Variants in FGD4 observed in about 807,000 individuals in gnomAD.
The protein encoded by FGD4 is FYVE, RhoGEF and PH domain-containing protein 4.
Under a neutral mutation model 102.0 loss-of-function variants are expected in FGD4, and 42 were observed. The ratio of observed to expected loss-of-function variants is 0.41; its 90% CI spans 0.32 to 0.53. FGD4 has a LOEUF of 0.53. FGD4 is among the 20% of genes least tolerant of loss of function. FGD4 has a pLI of 0.21. For synonymous variants in FGD4, 380 were observed against 375.7 expected (o/e 1.01, Z -0.13); for missense variants, 902 against 1,078.2 (o/e 0.84, Z 2.29).
chr12:32,617,895 G>A (rs896858991), intron 10 of FGD4, among the ~76,000 whole-genome samples: 5 of 152,160 alleles, frequency 3.3e-5, no homozygotes, highest in Admixed American at 6.5e-5. Context: ...TCACCTATGC[G>A]AAGAGGAAAA....
chr12:32,484,747 C>T (rs1008374397), intron 1 of FGD4, among the ~76,000 whole-genome samples: 1 of 152,022 alleles, frequency 6.6e-6, no homozygotes, highest in East Asian at 1.9e-4. Context: ...TGGTGGGCAC[C>T]TGTAATCCAA....
chr12:32,519,117 A>G (rs1940221717), intron 1 of FGD4, among the ~76,000 whole-genome samples: 1 of 99,318 alleles, frequency 1.0e-5, no homozygotes, highest in African/African-American at 3.9e-5. Context: ...ACTCCGTCTC[A>G]GGAAAAAAAA....
intron 1 of FGD4, among the ~76,000 whole-genome samples, chr12:32,472,887 C>G (rs765531003): frequency 6.6e-6 from 1 of 152,100 alleles, no homozygotes; most frequent in African/African-American, 2.4e-5. Flanking sequence ...CTGGTGAGGA[C>G]GTGGAGAACC....
At chr12:32,432,372 T>A (rs1460291097) in intron 1 of FGD4, among the ~76,000 whole-genome samples, 1 of 151,282 alleles carries the variant, frequency 6.6e-6, no homozygotes, top group Non-Finnish European at 1.5e-5. Context: ...TCCTAGCATT[T>A]TGGGACGCCG....
chr12:32,460,797 T>G (rs12146762), intron 1 of FGD4, among the ~76,000 whole-genome samples: 3 of 152,338 alleles, frequency 2.0e-5, no homozygotes, highest in African/African-American at 7.2e-5. Context: ...AAATAAATAT[T>G]GCCATTTTAT....
chr12:32,478,686 C>G (rs1368631244), intron 1 of FGD4, among the ~76,000 whole-genome samples: 2 of 152,206 alleles, frequency 1.3e-5, no homozygotes, highest in African/African-American at 4.8e-5. Flanking sequence ...GAGTAGTTTG[C>G]AAGTGTGATT....
At chr12:32,502,221 T>G (rs1026109510) in intron 1 of FGD4, 1 of 985,476 alleles carries the variant, frequency 1.0e-6, no homozygotes. Context: ...TGAGATTATC[T>G]GCAATGGACC....
intron 14 of FGD4, among the ~76,000 whole-genome samples, chr12:32,632,355 T>C (rs977730476): frequency 3.9e-5 from 6 of 152,146 alleles, no homozygotes; most frequent in African/African-American, 1.4e-4. Flanking sequence ...CTGTAGTCAG[T>C]GCTATGAAAG....
intron 1 of FGD4, among the ~76,000 whole-genome samples, chr12:32,443,688 G>A (rs538175936): frequency 6.6e-6 from 1 of 151,744 alleles, no homozygotes; most frequent in Non-Finnish European, 1.5e-5. Flanking sequence ...GCCACACCTA[G>A]TGGTGGCGAA....
chr12:32,436,541 C>A (rs979170500), intron 1 of FGD4, among the ~76,000 whole-genome samples: 1 of 152,232 alleles, frequency 6.6e-6, no homozygotes, highest in Non-Finnish European at 1.5e-5. Context: ...AATGCCAAAG[C>A]CTTGTTTCTC....
rs147435788 is a variant in FGD4, at chr12:32,470,067, A to G, written c.166+70108A>G. Among the ~76,000 whole-genome samples the G allele has an allele frequency of 4.9e-3, 748 of 152,286 alleles. 3 individuals are homozygous for G. Among genetic ancestry groups the G allele is most frequent in the Non-Finnish European group, 8.7e-3 (593 of 68,014 alleles). The stretch of plus-strand genomic sequence containing the variant: ...AGCAGATACACTTGTCATTGAACAA[A>G]TATGTAGTAATTTAATAGTATAATA... On this transcript the variant is annotated intron_variant, in intron 1 of 16. Coordinates refer to ENST00000534526, the MANE Select transcript of FGD4 (RefSeq NM_001370298.3).
intron 1 of FGD4, among the ~76,000 whole-genome samples, chr12:32,418,155 G>A (rs968611135): frequency 2.4e-4 from 37 of 151,702 alleles, no homozygotes; most frequent in African/African-American, 8.5e-4. Context: ...ACGGGGTTTC[G>A]CTGTGTTAGC....
chr12:32,435,020 C>T lies in FGD4; in HGVS notation c.166+35061C>T, dbSNP rs569153225. Reference sequence around the variant, plus strand: ...GTGCAGTGGCACAGTCTTGGCTCACCGCTACCTCTGCCTCCCGGGTTCAAG... The same window carrying T: ...GTGCAGTGGCACAGTCTTGGCTCACTGCTACCTCTGCCTCCCGGGTTCAAG... On this transcript the variant is annotated intron_variant, in intron 1 of 16. Coordinates refer to ENST00000534526, the MANE Select transcript of FGD4 (RefSeq NM_001370298.3). Among the ~76,000 whole-genome samples, 611 of 151,726 alleles carry T rather than the reference C, an allele frequency of 4.0e-3. 8 individuals carry two copies. The highest frequency in any genetic ancestry group is 0.014 in the African/African-American group (574 of 41,366).
chr12:32,601,622 A>G (rs554010094), intron 6 of FGD4, among the ~76,000 whole-genome samples, 199 bp downstream of exon 6: 1 of 152,350 alleles, frequency 6.6e-6, no homozygotes, highest in African/African-American at 2.4e-5. Context: ...AGTGAAGACA[A>G]GATATCGGGT....
chr12:32,562,063 C>CTTTA (rs1296609520), intron 1 of FGD4, among the ~76,000 whole-genome samples: 3 of 152,116 alleles, frequency 2.0e-5, no homozygotes, highest in Admixed American at 2.0e-4. Context: ...CTTCTAGAGT[C>CTTTA]TTTAGGTCAG....
chr12:32,435,697 T>C (rs1365228823), intron 1 of FGD4, among the ~76,000 whole-genome samples: 3 of 152,204 alleles, frequency 2.0e-5, no homozygotes, highest in Non-Finnish European at 4.4e-5. Flanking sequence ...TACTGCAACC[T>C]CTGAATTGCC....
At chr12:32,568,400 C>T (rs1031217158) in intron 2 of FGD4, among the ~76,000 whole-genome samples, 7 of 152,200 alleles carry the variant, frequency 4.6e-5, no homozygotes, top group African/African-American at 1.7e-4. Flanking sequence ...CATACCAATC[C>T]TAATAGTCAA....
chr12:32,605,516 CA>C (rs1948721958), intron 7 of FGD4, among the ~76,000 whole-genome samples: 2 of 152,092 alleles, frequency 1.3e-5, no homozygotes, highest in African/African-American at 4.8e-5. Context: ...TTTAACTTGC[CA>C]GACAGGTTCC....
chr12:32,600,706 A>G (rs534486301), intron 5 of FGD4, among the ~76,000 whole-genome samples: 1 of 151,910 alleles, frequency 6.6e-6, no homozygotes, highest in East Asian at 1.9e-4. Context: ...AAAGCAGGTA[A>G]GTATCTGAGA....
Sources: allele counts gnomAD v4.1 joint callset (sites outside exome capture counted in the v4.1 genomes callset), GRCh38; gene constraint gnomAD v4.1.1; transcripts MANE v1.5; gene names NCBI Gene and HGNC (gene_info 2026-07-23, HGNC 2026-07-21).